Variants in KIF13B observed in about 807,000 individuals in gnomAD.
KIF13B encodes kinesin-like protein KIF13B.
In KIF13B, 127 loss-of-function variants were observed where a neutral mutation model predicts 222.0. The ratio of observed to expected loss-of-function variants is 0.57; its 90% CI spans 0.50 to 0.66. KIF13B has a LOEUF of 0.66. KIF13B is among the 30% of genes least tolerant of loss of function. KIF13B has a pLI of 0.00. For missense variants in KIF13B, 2,173 were observed against 2,379.0 expected (o/e 0.91, Z 1.80); for synonymous variants, 976 against 919.0 (o/e 1.06, Z -1.12).
intron 2 of KIF13B, among the ~76,000 whole-genome samples, chr8:29,211,337 G>A (rs1814214271): frequency 6.6e-6 from 1 of 152,238 alleles, no homozygotes; most frequent in African/African-American, 2.4e-5. Context: ...AAGCAAATGT[G>A]TTCAGACGAT....
At position 29,106,632 on chromosome 8, in the gene KIF13B, CAAAAA is replaced by C. The variant is rs71222590; in HGVS notation, c.4215+1502_4215+1506del. ...GGGCAACAAGAGCGAAACTCTGTCT[CAAAAA>C]AAAAAAAAAAAAAAAAAAAAAAGTC... is the stretch of plus-strand genomic sequence containing the variant. On this transcript the variant is annotated intron_variant, in intron 35 of 39. Transcript: ENST00000524189. Among the ~76,000 whole-genome samples the C allele has an allele frequency of 6.0e-4, 34 of 56,462 alleles. No individual in the cohort carries two copies. The East Asian group carries it at 0.017, about 28-fold the overall frequency. 37.0% of individuals were successfully genotyped at this position (56,462 alleles called of 152,430 possible).
chr8:29,171,272 C>T (rs1052855018), intron 10 of KIF13B, among the ~76,000 whole-genome samples: 27 of 152,288 alleles, frequency 1.8e-4, no homozygotes, highest in Non-Finnish European at 3.1e-4. Flanking sequence ...TCAGCGAATG[C>T]GTAACCCTCA....
At chr8:29,246,070 A>G (rs1816006491) in intron 1 of KIF13B, among the ~76,000 whole-genome samples, 1 of 152,178 alleles carries the variant, frequency 6.6e-6, no homozygotes, top group South Asian at 2.1e-4. Context: ...ATCATTACAC[A>G]TTGTATACAT....
intron 12 of KIF13B, among the ~76,000 whole-genome samples, chr8:29,161,475 C>T (rs1399255957): frequency 6.6e-6 from 1 of 152,172 alleles, no homozygotes; most frequent in Non-Finnish European, 1.5e-5. Flanking sequence ...GAGGCCAAGG[C>T]AGGCAGATCA....
Position 29,181,814 on chromosome 8 carries a change from G to A in KIF13B, c.585+105C>T. The A allele has an allele frequency of 4.7e-6, 3 of 635,974 alleles. No homozygotes were observed. In the East Asian group the frequency reaches 8.4e-5, roughly 18 times the overall value. The allele number at this position is 635,974 out of a possible 1,614,324, so 39.4% of individuals were successfully genotyped here. A position where few individuals can be genotyped will look rare whatever the true frequency, so the allele number is the denominator to read the frequency against. On this transcript the variant is annotated intron_variant, in intron 7 of 39. Transcript: ENST00000524189. ...TTTGTAAAGTGATTTATTAAGTGATGCTATTATATATGCAATTTTTAAAAA... is the reference window on the plus strand; with the variant it reads ...TTTGTAAAGTGATTTATTAAGTGATACTATTATATATGCAATTTTTAAAAA...
chr8:29,085,194 C>A (rs1205495198), intron 37 of KIF13B, among the ~76,000 whole-genome samples: 1 of 152,172 alleles, frequency 6.6e-6, no homozygotes, highest in Non-Finnish European at 1.5e-5. Context: ...CACCTGAGAA[C>A]CTGCTGATTC....
intron 29 of KIF13B, among the ~76,000 whole-genome samples, chr8:29,121,478 G>T: frequency 1.6e-5 from 1 of 61,848 alleles, no homozygotes; most frequent in Non-Finnish European, 3.2e-5. Flanking sequence ...TTTAATAAAT[G>T]GTGCTGGGAA....
At chr8:29,188,781 T>C (rs561715376) in intron 4 of KIF13B, among the ~76,000 whole-genome samples, 174 bp from the exon 5 acceptor site, 1 of 152,358 alleles carries the variant, frequency 6.6e-6, no homozygotes, top group South Asian at 2.1e-4. Flanking sequence ...TATTTCTAGT[T>C]AGCACATGAG....
rs189394271 is a variant in KIF13B at position 29,166,536 on chromosome 8, C to G, written c.1159-764G>C. On this transcript the variant is annotated intron_variant, in intron 11 of 39. Transcript: ENST00000524189. The stretch of plus-strand genomic sequence containing the variant: ...CCTGACCAACATGGAGAAACCCTGT[C>G]TCTATAAAAACTACAAAATTAGCTG... Among the ~76,000 whole-genome samples, 221 of 152,160 alleles carry G rather than the reference C, an allele frequency of 1.5e-3. 1 individual carries two copies. Among genetic ancestry groups the G allele is most frequent in the African/African-American group, 5.1e-3 (211 of 41,514 alleles).
chr8:29,251,334 T>C (rs1816272796), intron 1 of KIF13B, among the ~76,000 whole-genome samples: 1 of 152,068 alleles, frequency 6.6e-6, no homozygotes, highest in Non-Finnish European at 1.5e-5. Context: ...AAAACAGCAC[T>C]AAAGTGTACC....
Position 29,150,311 on chromosome 8 carries a change from G to T in KIF13B, c.1608C>A (p.Asn536Lys). Residue 536 changes from asparagine (N) to lysine (K), a missense_variant, in exon 15 of 40, where the codon AAC becomes AAA. Asn to Lys is a moderately conservative substitution (Grantham distance 94). Around this residue, in one of 2 missense-constraint regions of KIF13B, gnomAD observed 1,480 missense variants for 1,722.8 expected, o/e 0.86. Transcript: ENST00000524189. Reference sequence around the variant, plus strand: ...CAACATCATACCTGAAGAAATGATTGTTTCCCCATAATATCCTGTCCCCAT... The same window carrying T: ...CAACATCATACCTGAAGAAATGATTTTTTCCCCATAATATCCTGTCCCCAT... ...LHHGDRILWG[N>K]NHFFRLNLPK... 6.4e-7 allele frequency: 1 copy of T among 1,571,340 alleles called. No homozygotes were observed. The highest frequency in any genetic ancestry group is 8.7e-7 in the Non-Finnish European group (1 of 1,144,614).
intron 37 of KIF13B, among the ~76,000 whole-genome samples, chr8:29,088,845 T>C (rs1459613790): frequency 1.3e-5 from 2 of 152,226 alleles, no homozygotes; most frequent in African/African-American, 2.4e-5. Flanking sequence ...GTGACCCAAG[T>C]AAGAAAAAGT....
chr8:29,105,479 G>C (rs1327807694), intron 35 of KIF13B, among the ~76,000 whole-genome samples: 2 of 152,164 alleles, frequency 1.3e-5, no homozygotes, highest in African/African-American at 4.8e-5. Flanking sequence ...TGTGAAGCCA[G>C]TGGGGGGTCC....
At position 29,188,597 on chromosome 8, in the gene KIF13B, AAT is replaced by A; in HGVS notation, c.232_233del (p.Ile78CysfsTer15). ...TATTCTCTCCAAGGCACTTGAAAACAATATCTTGACCTGAGAGAGAGAGAATA... is the reference window on the plus strand; with the variant it reads ...TATTCTCTCCAAGGCACTTGAAAACAATCTTGACCTGAGAGAGAGAGAATA... Reference protein sequence around the residue: ...SVKEKYAGQDIVFKCLGENIL... With the variant: ...SVKEKYAGQDXVFKCLGENIL... On this transcript the variant is annotated frameshift_variant, in exon 5 of 40. Transcript: ENST00000524189. LOFTEE classifies it high-confidence loss of function. 1 of 1,606,910 alleles carries A rather than the reference AAT, an allele frequency of 6.2e-7. No individual in the cohort carries two copies. The highest frequency in any genetic ancestry group is 8.5e-7 in the Non-Finnish European group (1 of 1,174,226).
intron 2 of KIF13B, among the ~76,000 whole-genome samples, chr8:29,215,653 C>T (rs1351410180): frequency 6.6e-6 from 1 of 152,226 alleles, no homozygotes; most frequent in East Asian, 1.9e-4. Flanking sequence ...GATGGCACCA[C>T]TGCACTCCAG....
At chr8:29,176,374 T>C (rs1455235912) in intron 9 of KIF13B, among the ~76,000 whole-genome samples, 195 bp from the exon 10 acceptor site, 1 of 152,172 alleles carries the variant, frequency 6.6e-6, no homozygotes, top group Non-Finnish European at 1.5e-5. Context: ...GCAATAAAAA[T>C]GCTTAGCCTA....
chr8:29,130,502 A>T (rs1284507720), intron 24 of KIF13B, 31 bp downstream of exon 24: 8 of 1,611,050 alleles, frequency 5.0e-6, no homozygotes, highest in Non-Finnish European at 6.8e-6. Flanking sequence ...GGCACCAAAG[A>T]ATCTAATGTA....
chr8:29,212,502 A>G (rs1251409229), intron 2 of KIF13B, among the ~76,000 whole-genome samples: 1 of 152,192 alleles, frequency 6.6e-6, no homozygotes, highest in African/African-American at 2.4e-5. Context: ...TAAAGAAGAG[A>G]AAAATTTTCT....
intron 37 of KIF13B, among the ~76,000 whole-genome samples, chr8:29,083,622 G>A (rs1196747325): frequency 6.6e-6 from 1 of 152,180 alleles, no homozygotes; most frequent in Non-Finnish European, 1.5e-5. Flanking sequence ...ATGGGGCAAG[G>A]CTAGACAGCA....
Sources: allele counts gnomAD v4.1 joint callset (sites outside exome capture counted in the v4.1 genomes callset), GRCh38; gene constraint gnomAD v4.1.1; regional missense constraint gnomAD v4.1.1; transcripts MANE v1.5; gene names NCBI Gene and HGNC (gene_info 2026-07-23, HGNC 2026-07-21).